TMC7: variants seen among roughly 807,000 people sequenced by gnomAD.
TMC7 encodes the protein transmembrane channel like 7, also known as transmembrane channel-like protein 7.
A neutral mutation model predicts 82.9 loss-of-function variants in TMC7; 54 were observed. That is an observed-to-expected ratio of 0.65 (90% confidence interval 0.52 to 0.82). The LOEUF is 0.82. Ranked by LOEUF, TMC7 falls within the 40% of genes least tolerant of loss-of-function variation. The pLI is 0.00. For synonymous variants in TMC7, 350 were observed against 337.9 expected (o/e 1.04, Z -0.39); for missense variants, 820 against 901.2 (o/e 0.91, Z 1.15).
intron 12 of TMC7, 120 bp downstream of exon 12, chr16:19,047,369 T>G: frequency 2.4e-6 from 2 of 848,308 alleles, no homozygotes. Context: ...ATCCTTTATT[T>G]AAAATATATG....
intron 5 of TMC7, among the ~76,000 whole-genome samples, chr16:19,026,323 A>G (rs1001506978): frequency 3.9e-5 from 6 of 151,926 alleles, no homozygotes; most frequent in Admixed American, 3.9e-4. Flanking sequence ...AAAAATAGAA[A>G]AAAATTAGCC....
intron 1 of TMC7, among the ~76,000 whole-genome samples, chr16:18,997,403 T>G (rs563901932): frequency 6.6e-6 from 1 of 152,082 alleles, no homozygotes; most frequent in Non-Finnish European, 1.5e-5. Flanking sequence ...AGGGTCTCAC[T>G]CTGTCACCCA....
In TMC7 at chr16:19,063,586, G is replaced by T. The variant is rs1057171611; in HGVS notation, c.*1743G>T. ...GATAGGTGAAAAGAAAAAAAAAGTT[G>T]TAATTGTAAACATTTCTGCCCAGTG... On this transcript the variant is annotated 3_prime_UTR_variant, in exon 16 of 16. Coordinates refer to ENST00000304381, the MANE Select transcript of TMC7 (RefSeq NM_024847.4). 1.3e-5 allele frequency: 2 copies of T among 151,748 alleles called. No homozygotes were observed. Among genetic ancestry groups the T allele is most frequent in the Non-Finnish European group, 2.9e-5 (2 of 67,922 alleles). 9.4% of individuals were successfully genotyped at this position (151,748 alleles called of 1,614,324 possible).
chr16:19,009,556 T>C (rs890150543), intron 2 of TMC7, 141 bp downstream of exon 2: 15 of 1,088,886 alleles, frequency 1.4e-5, no homozygotes, highest in African/African-American at 3.1e-5. Flanking sequence ...TTGACAAACA[T>C]ACCTGAATTT....
chr16:19,010,156 C>CCCCTCCCCTT (rs1198434899), intron 2 of TMC7, among the ~76,000 whole-genome samples: 1 of 136,726 alleles, frequency 7.3e-6, no homozygotes, highest in Non-Finnish European at 1.6e-5. Context: ...CCCCTCCCCT[C>CCCCTCCCCTT]CTCTCCTCTC....
intron 6 of TMC7, among the ~76,000 whole-genome samples, chr16:19,032,904 G>A (rs912378579): frequency 2.0e-5 from 3 of 152,200 alleles, no homozygotes; most frequent in African/African-American, 7.2e-5. Context: ...TGGGATTACA[G>A]GCGTGAGCCA....
At chr16:19,057,193 G>T (rs1173414302) in intron 14 of TMC7, among the ~76,000 whole-genome samples, 2 of 152,020 alleles carry the variant, frequency 1.3e-5, no homozygotes, top group Non-Finnish European at 2.9e-5. Flanking sequence ...CTCTTTCAGA[G>T]GCTCATTGGG....
chr16:19,040,491 A>G lies in TMC7; in HGVS notation c.1337+45A>G, dbSNP rs1387532337. On this transcript the variant is annotated intron_variant, in intron 9 of 15. Coordinates refer to ENST00000304381, the MANE Select transcript of TMC7 (RefSeq NM_024847.4). ...TGGCAGGCATGTCAAGCCAGTCACT[A>G]CCTGCCCACTCTCTTGCCCATGGCA... 5 of 1,556,778 alleles carry G rather than the reference A, an allele frequency of 3.2e-6. No individual in the cohort carries two copies. In the African/African-American group the frequency reaches 6.8e-5, roughly 21 times the overall value.
rs1056091743 is a variant in TMC7 at position 19,047,103 on chromosome 16, T to C, written c.1594T>C (p.Cys532Arg). The C allele has an allele frequency of 3.7e-6, 6 of 1,613,728 alleles. No individual in the cohort carries two copies. The highest frequency in any genetic ancestry group is 1.1e-5 in the South Asian group (1 of 91,034). ...CTGTTCCTCTTGCAAGCTGATTCAGTGCTGGGGGCAGCAGGAGTTTGCCAT... is the reference window on the plus strand; with the variant it reads ...CTGTTCCTCTTGCAAGCTGATTCAGCGCTGGGGGCAGCAGGAGTTTGCCAT... ...TYCSSCKLIQ[C>R]WGQQEFAIPD... is the part of the protein sequence containing the mutation. Residue 532 changes from cysteine to arginine, a missense_variant, in exon 12 of 16, where the codon TGC becomes CGC. Cys to Arg is a radical substitution (Grantham distance 180, BLOSUM62 -3). Transcript: ENST00000304381.
chr16:19,056,652 G>T lies in TMC7; in HGVS notation c.1982G>T (p.Gly661Val), dbSNP rs1371478486. Residue 661 changes from glycine (G) to valine (V), a missense_variant, in exon 14 of 16, where the codon GGT becomes GTT. Physicochemically the swap from Gly to Val is moderately radical, Grantham distance 109 (BLOSUM62 -3). Around this residue, in one of 2 missense-constraint regions of TMC7, gnomAD observed 170 missense variants for 231.3 expected, o/e 0.74. Transcript: ENST00000304381. ...FPSSLQSFIH[G>V]VTSEAFAVPF... ...AGCTCGCTGCAGTCCTTCATCCATGGTGTCACATCCGAAGCCTTTGCAGTT... is the reference window on the plus strand; with the variant it reads ...AGCTCGCTGCAGTCCTTCATCCATGTTGTCACATCCGAAGCCTTTGCAGTT... The T allele has an allele frequency of 6.2e-7, 1 of 1,613,936 alleles. No homozygotes were observed. The highest frequency in any genetic ancestry group is 8.5e-7 in the Non-Finnish European group (1 of 1,180,026).
chr16:18,994,852 C>T (rs1392183231), intron 1 of TMC7, among the ~76,000 whole-genome samples: 1 of 152,072 alleles, frequency 6.6e-6, no homozygotes, highest in Non-Finnish European at 1.5e-5. Context: ...GGCTTTAATC[C>T]TTTTAAAGCG....
At chr16:18,989,580 G>A (rs2142112850) in intron 1 of TMC7, among the ~76,000 whole-genome samples, 1 of 142,888 alleles carries the variant, frequency 7.0e-6, no homozygotes, top group Middle Eastern at 3.5e-3. Context: ...AGGAAGGGAA[G>A]AAAATGGGCC....
chr16:19,051,421 G>A (rs1389912378), intron 12 of TMC7, among the ~76,000 whole-genome samples: 1 of 108,884 alleles, frequency 9.2e-6, no homozygotes, highest in Non-Finnish European at 1.8e-5. Flanking sequence ...CACCACAACA[G>A]TCCCCGGTGT....
intron 1 of TMC7, among the ~76,000 whole-genome samples, chr16:19,005,643 C>T (rs1420419244): frequency 1.3e-5 from 2 of 152,312 alleles, no homozygotes; most frequent in East Asian, 1.9e-4. Flanking sequence ...CCCCTGACCC[C>T]ACAGCTGTTG....
chr16:18,989,013 A>G (rs1390626286), intron 1 of TMC7, among the ~76,000 whole-genome samples: 1 of 150,720 alleles, frequency 6.6e-6, no homozygotes, highest in Non-Finnish European at 1.5e-5. Context: ...AGATCATACC[A>G]TTGCACTCCA....
At chr16:18,997,978 C>G (rs927182047) in intron 1 of TMC7, among the ~76,000 whole-genome samples, 1 of 151,726 alleles carries the variant, frequency 6.6e-6, no homozygotes, top group African/African-American at 2.4e-5. Flanking sequence ...GTGATCCGCC[C>G]GCCTCGGTCT....
chr16:19,036,633 T>C (rs373976007), intron 7 of TMC7, among the ~76,000 whole-genome samples: 7 of 152,132 alleles, frequency 4.6e-5, no homozygotes, highest in African/African-American at 7.2e-5. Context: ...AGAGAATCAA[T>C]TGAACCAGGA....
In TMC7 at chr16:19,023,136, G is replaced by A; in HGVS notation, c.652G>A (p.Val218Ile). The change falls in exon 5 of 16, where the codon GTA (valine) becomes ATA (isoleucine). Residue 218 changes from valine to isoleucine, a missense_variant. Coordinates refer to ENST00000304381, the MANE Select transcript of TMC7 (RefSeq NM_024847.4). ...AGATAAACAATGTACAGTCTATCCA[G>A]TAAGCAGTTCTGGACTCATTTACTT... is the stretch of plus-strand genomic sequence containing the variant. ...DMDKQCTVYP[V>I]SSSGLIYFYS... 6.2e-7 allele frequency: 1 copy of A among 1,608,968 alleles called. No individual in the cohort carries two copies. Among genetic ancestry groups the A allele is most frequent in the Non-Finnish European group, 8.5e-7 (1 of 1,176,302 alleles).
chr16:19,016,018 T>G (rs375960503), intron 2 of TMC7, among the ~76,000 whole-genome samples: 31 of 152,364 alleles, frequency 2.0e-4, no homozygotes, highest in African/African-American at 7.5e-4. Flanking sequence ...TTTATATTCC[T>G]TGCAGCAATG....
Sources: gnomAD v4.1 joint callset for allele counts (sites outside exome capture counted in the v4.1 genomes callset) on GRCh38, gnomAD v4.1.1 for gene constraint, gnomAD v4.1.1 regional missense constraint, MANE v1.5 for transcripts, NCBI Gene and HGNC (gene_info 2026-07-23, HGNC 2026-07-21) for gene names.